FGF12: variants seen among roughly 807,000 people sequenced by gnomAD.
FGF12 encodes fibroblast growth factor 12B.
FGF12 carries 14 observed loss-of-function variants against 23.6 expected under a neutral mutation model. That is an observed-to-expected ratio of 0.59 (90% CI 0.39 to 0.93). The LOEUF is 0.93. Among genes scored for constraint, FGF12 ranks in the 40% least tolerant of loss-of-function variants. FGF12 has a pLI of 0.00. For synonymous variants in FGF12, 62 were observed against 77.3 expected (o/e 0.80, Z 1.04); for missense variants, 175 against 217.8 (o/e 0.80, Z 1.24).
intron 4 of FGF12, among the ~76,000 whole-genome samples, chr3:192,178,958 C>T (rs2108630529): frequency 6.6e-6 from 1 of 152,298 alleles, no homozygotes; most frequent in African/African-American, 2.4e-5. Flanking sequence ...GTTATTCTCA[C>T]TGGATATTTG....
In FGF12 at chr3:192,199,084, A is replaced by G. The variant is rs371074769; in HGVS notation, c.229-28428T>C. Among the ~76,000 whole-genome samples the G allele has an allele frequency of 4.6e-5, 7 of 152,350 alleles. No individual in the cohort carries two copies. The East Asian group carries it at 1.3e-3, about 29-fold the overall frequency. On this transcript the variant is annotated intron_variant, in intron 4 of 5. Coordinates refer to ENST00000445105, the MANE Select transcript of FGF12 (RefSeq NM_004113.6). ...AAGGAAGATATGTGCAAGATGTGTG[A>G]ACAAATGGGAAAGAGCTGAAGTCAG... is the stretch of plus-strand genomic sequence containing the variant.
chr3:192,689,974 T>C lies in FGF12; in HGVS notation c.13+37207A>G, dbSNP rs1224064560. ...CATTATAGATTTCTTAGTAGAAACC[T>C]TGCAAGCCAAGTGAGAGTGATGATG... is the stretch of plus-strand genomic sequence containing the variant. On this transcript the variant is annotated intron_variant, in intron 2 of 5. Transcript: ENST00000445105. Among the ~76,000 whole-genome samples, 4 of 152,000 alleles carry C rather than the reference T, an allele frequency of 2.6e-5. No individual in the cohort carries two copies. In the East Asian group the frequency reaches 5.8e-4, roughly 22 times the overall value.
intron 2 of FGF12, among the ~76,000 whole-genome samples, chr3:192,724,360 A>T (rs1719143144): frequency 6.6e-6 from 1 of 152,174 alleles, no homozygotes; most frequent in South Asian, 2.1e-4. Flanking sequence ...CCTCTAAAGG[A>T]AACATATATG....
At chr3:192,171,806 A>C (rs1223174436) in intron 4 of FGF12, among the ~76,000 whole-genome samples, 1 of 151,924 alleles carries the variant, frequency 6.6e-6, no homozygotes, top group Non-Finnish European at 1.5e-5. Context: ...ATATTAATGA[A>C]TATAGGTTGG....
chr3:192,180,666 A>AT (rs374531949), intron 4 of FGF12, among the ~76,000 whole-genome samples: 3 of 152,198 alleles, frequency 2.0e-5, no homozygotes, highest in African/African-American at 7.2e-5. Context: ...TAAAAAATAT[A>AT]TTTTTTACAT....
intron 2 of FGF12, among the ~76,000 whole-genome samples, chr3:192,488,966 A>G (rs1465147933): frequency 4.6e-5 from 7 of 152,024 alleles, no homozygotes; most frequent in African/African-American, 1.7e-4. Context: ...AATTGGGGCT[A>G]TTTTGGATCT....
chr3:192,357,352 T>C (rs6798597), intron 3 of FGF12, among the ~76,000 whole-genome samples: 10,160 of 151,738 alleles, frequency 0.067, 1,208 homozygotes, highest in African/African-American at 0.23. Context: ...TGTGGTGGCA[T>C]GTGCCTGTAA....
chr3:192,660,984 T>TA (rs137975301), intron 2 of FGF12, among the ~76,000 whole-genome samples: 8 of 90,748 alleles, frequency 8.8e-5, no homozygotes, highest in Admixed American at 9.4e-5. Flanking sequence ...CCTAGTTCTT[T>TA]AAAAAAAAAA....
At chr3:192,630,354 AACAC>A (rs1037378927) in intron 2 of FGF12, among the ~76,000 whole-genome samples, 2 of 152,044 alleles carry the variant, frequency 1.3e-5, no homozygotes, top group African/African-American at 2.4e-5. Context: ...AGAACAGCCT[AACAC>A]ACAGCCCATG....
intron 4 of FGF12, among the ~76,000 whole-genome samples, chr3:192,334,881 G>C (rs1411819616): frequency 6.6e-6 from 1 of 152,064 alleles, no homozygotes; most frequent in Non-Finnish European, 1.5e-5. Flanking sequence ...GTTATTCTGA[G>C]AATCTGACAT....
At chr3:192,639,122 G>T (rs2108662820) in intron 2 of FGF12, among the ~76,000 whole-genome samples, 1 of 152,230 alleles carries the variant, frequency 6.6e-6, no homozygotes, top group Admixed American at 6.5e-5. Flanking sequence ...CAAATAACCT[G>T]ATTTTAAAAC....
chr3:192,155,014 T>TGGTGTG (rs1395614611), intron 5 of FGF12, among the ~76,000 whole-genome samples: 5 of 146,324 alleles, frequency 3.4e-5, no homozygotes. Flanking sequence ...TATAGTCTCG[T>TGGTGTG]GGTGCGCCGT....
chr3:192,708,538 T>G (rs747275211), intron 2 of FGF12, among the ~76,000 whole-genome samples: 2 of 152,204 alleles, frequency 1.3e-5, no homozygotes, highest in African/African-American at 2.4e-5. Flanking sequence ...CAGAATGACA[T>G]AGTCCCTATA....
chr3:192,334,720 G>A (rs1287300581), intron 4 of FGF12, among the ~76,000 whole-genome samples: 18 of 152,186 alleles, frequency 1.2e-4, no homozygotes, highest in African/African-American at 3.1e-4. Flanking sequence ...TGTCCAACAT[G>A]CTCATTTGAA....
At position 192,401,801 on chromosome 3, in the gene FGF12, C is replaced by T. The variant is rs529912413; in HGVS notation, c.14-41263G>A. ...CCTTGTTCTTATTGCTTCAGCTATA[C>T]TTCAATTTCTTCAGAAGCACCGAGC... On this transcript the variant is annotated intron_variant, in intron 2 of 5. Transcript: ENST00000445105. Among the ~76,000 whole-genome samples, 14 of 152,294 alleles carry T rather than the reference C, an allele frequency of 9.2e-5. 1 individual carries two copies. The highest frequency in any genetic ancestry group is 1.5e-4 in the Non-Finnish European group (10 of 68,016).
intron 2 of FGF12, among the ~76,000 whole-genome samples, chr3:192,458,994 C>T (rs924068495): frequency 1.3e-5 from 2 of 152,094 alleles, no homozygotes; most frequent in Admixed American, 1.3e-4. Flanking sequence ...CTGCTTTTGC[C>T]TCTTCCTCAT....
chr3:192,379,161 G>T (rs527355088), intron 2 of FGF12, among the ~76,000 whole-genome samples: 1 of 151,986 alleles, frequency 6.6e-6, no homozygotes, highest in South Asian at 2.1e-4. Context: ...ACCATCGATG[G>T]GTATTTAGGT....
chr3:192,559,636 A>G (rs945355087), intron 2 of FGF12, among the ~76,000 whole-genome samples: 1 of 152,062 alleles, frequency 6.6e-6, no homozygotes, highest in African/African-American at 2.4e-5. Context: ...TCTAAAACTT[A>G]AAGTATAATA....
intron 2 of FGF12, among the ~76,000 whole-genome samples, chr3:192,525,646 CT>C (rs1724924029): frequency 1.3e-5 from 2 of 152,200 alleles, no homozygotes; most frequent in Admixed American, 6.5e-5. Context: ...TCTTCAGAAA[CT>C]TTTCATTGTA....
Sources: gnomAD v4.1 joint callset for allele counts (sites outside exome capture counted in the v4.1 genomes callset) on GRCh38, gnomAD v4.1.1 for gene constraint, MANE v1.5 for transcripts, NCBI Gene and HGNC (gene_info 2026-07-23, HGNC 2026-07-21) for gene names.